RAD51B: variants seen among roughly 807,000 people sequenced by gnomAD.
RAD51B encodes the protein RAD51 paralog B, also known as DNA repair protein RAD51 homolog 2.
Under a neutral mutation model 42.2 loss-of-function variants are expected in RAD51B, and 38 were observed. That is an observed-to-expected ratio of 0.90 (90% CI 0.70 to 1.18). RAD51B has a LOEUF of 1.18. RAD51B is among the 50% of genes most tolerant of loss of function. The pLI is 0.00. For synonymous variants in RAD51B, 154 were observed against 145.2 expected (o/e 1.06, Z -0.43); for missense variants, 373 against 400.7 (o/e 0.93, Z 0.59).
intron 10 of RAD51B, among the ~76,000 whole-genome samples, chr14:68,606,693 G>A (rs1317158571): frequency 1.3e-5 from 2 of 152,158 alleles, no homozygotes; most frequent in Non-Finnish European, 2.9e-5. Flanking sequence ...CCTTTGGAAG[G>A]AATCGCATCT....
At chr14:68,095,971 C>CAAAAAAAAAAAAAA (rs56862052) in intron 7 of RAD51B, among the ~76,000 whole-genome samples, 1 of 62,620 alleles carries the variant, frequency 1.6e-5, no homozygotes, top group African/African-American at 5.1e-5. Context: ...GACTCCGTCT[C>CAAAAAAAAAAAAAA]AAAAAAAAAA....
At position 68,260,298 on chromosome 14, in the gene RAD51B, C is replaced by T. The variant is rs551234480; in HGVS notation, c.757-31586C>T. On this transcript the variant is annotated intron_variant, in intron 7 of 10. Coordinates refer to ENST00000471583, the MANE Select transcript of RAD51B (RefSeq NM_133510.4). Reference sequence around the variant, plus strand: ...AAGAGGGCCAGTGTGGCTGAGAGACCGTGTGTGTGTGTGTGTGTGTGGAGA... The same window carrying T: ...AAGAGGGCCAGTGTGGCTGAGAGACTGTGTGTGTGTGTGTGTGTGTGGAGA... Among the ~76,000 whole-genome samples the T allele has an allele frequency of 1.2e-3, 116 of 96,656 alleles. 2 individuals carry two copies. Among genetic ancestry groups the T allele is most frequent in the Non-Finnish European group, 1.6e-3 (83 of 50,312 alleles). The allele number at this position is 96,656 out of a possible 152,430, so 63.4% of individuals were successfully genotyped here. A position where few individuals can be genotyped will look rare whatever the true frequency, so the allele number is the denominator to read the frequency against.
intron 8 of RAD51B, among the ~76,000 whole-genome samples, chr14:68,293,259 G>A (rs2081549472): frequency 6.6e-6 from 1 of 151,796 alleles, no homozygotes; most frequent in Non-Finnish European, 1.5e-5. Flanking sequence ...TTTTGTTTTT[G>A]TTTTTGTTTT....
intron 8 of RAD51B, among the ~76,000 whole-genome samples, chr14:68,360,428 C>G (rs2082999533): frequency 6.6e-6 from 1 of 152,242 alleles, no homozygotes; most frequent in African/African-American, 2.4e-5. Flanking sequence ...TCCATGACAT[C>G]AGGGCCCAAC....
Position 68,177,904 on chromosome 14 carries a change from A to G in RAD51B, c.757-113980A>G, listed in dbSNP as rs138431238. Among the ~76,000 whole-genome samples the G allele has an allele frequency of 3.5e-3, 540 of 152,260 alleles. 5 individuals are homozygous for G. The highest frequency in any genetic ancestry group is 0.012 in the African/African-American group (511 of 41,548). Reference sequence around the variant, plus strand: ...TGCCTGAAGACATTTTCCTACTCAGATATCTTTAACAGCTCAATGCACATG... The same window carrying G: ...TGCCTGAAGACATTTTCCTACTCAGGTATCTTTAACAGCTCAATGCACATG... On this transcript the variant is annotated intron_variant, in intron 7 of 10. Transcript: ENST00000471583.
chr14:68,529,534 G>A (rs1887143570), intron 10 of RAD51B, among the ~76,000 whole-genome samples: 1 of 152,188 alleles, frequency 6.6e-6, no homozygotes, highest in Non-Finnish European at 1.5e-5. Flanking sequence ...GTCTATGGAG[G>A]CAGGAGAAAT....
chr14:68,054,287 C>T (rs980852714), intron 7 of RAD51B, among the ~76,000 whole-genome samples: 5 of 152,132 alleles, frequency 3.3e-5, no homozygotes, highest in African/African-American at 1.2e-4. Context: ...TCTTTGTCCC[C>T]TGCAACTTGA....
At chr14:68,480,858 G>A (rs1224912231), downstream of RAD51B, among the ~76,000 whole-genome samples, 1 of 152,166 alleles carries the variant, frequency 6.6e-6, no homozygotes, top group East Asian at 1.9e-4. Context: ...CAACTTCAGG[G>A]GAGGGAACTC....
At chr14:68,196,420 A>C (rs1369158490) in intron 7 of RAD51B, among the ~76,000 whole-genome samples, 1 of 152,038 alleles carries the variant, frequency 6.6e-6, no homozygotes, top group Admixed American at 6.6e-5. Context: ...TGGCCTACAA[A>C]GTCCTGCATG....
intron 7 of RAD51B, among the ~76,000 whole-genome samples, chr14:67,957,167 A>G (rs1039856066): frequency 2.6e-5 from 4 of 152,260 alleles, no homozygotes; most frequent in Admixed American, 2.6e-4. Context: ...CACAAGGAAA[A>G]GTACAGAAGC....
At chr14:67,935,518 T>C (rs2044907632) in intron 7 of RAD51B, among the ~76,000 whole-genome samples, 1 of 152,122 alleles carries the variant, frequency 6.6e-6, no homozygotes, top group African/African-American at 2.4e-5. Flanking sequence ...GCACATACCA[T>C]CAGGCCATGC....
intron 7 of RAD51B, among the ~76,000 whole-genome samples, chr14:67,936,024 T>C (rs916447140): frequency 6.6e-6 from 1 of 151,990 alleles, no homozygotes; most frequent in African/African-American, 2.4e-5. Flanking sequence ...TTTAGAAAGG[T>C]CTATCTTATA....
At chr14:67,987,032 C>T (rs1459950713) in intron 7 of RAD51B, among the ~76,000 whole-genome samples, 1 of 151,824 alleles carries the variant, frequency 6.6e-6, no homozygotes, top group South Asian at 2.1e-4. Flanking sequence ...ACGCCTGGCC[C>T]CCTTCAGTCT....
At chr14:68,281,068 A>G (rs1403278841) in intron 7 of RAD51B, among the ~76,000 whole-genome samples, 4 of 146,152 alleles carry the variant, frequency 2.7e-5, no homozygotes, top group Admixed American at 1.4e-4. Context: ...AAAAAAAATG[A>G]AAAAAAAAAT....
chr14:68,146,093 T>C (rs1441775807), intron 7 of RAD51B, among the ~76,000 whole-genome samples: 3 of 152,044 alleles, frequency 2.0e-5, no homozygotes, highest in Admixed American at 1.3e-4. Context: ...ACTAGTAGTG[T>C]GGGGAGGTGG....
intron 7 of RAD51B, among the ~76,000 whole-genome samples, chr14:68,240,281 G>A (rs933849543): frequency 6.6e-6 from 1 of 152,122 alleles, no homozygotes; most frequent in Admixed American, 6.5e-5. Context: ...TCCAGGAGCT[G>A]GAAACCTTTA....
intron 3 of RAD51B, among the ~76,000 whole-genome samples, chr14:67,832,010 C>T (rs1045159922): frequency 2.0e-5 from 3 of 151,974 alleles, no homozygotes; most frequent in South Asian, 2.1e-4. Flanking sequence ...AAAATGTCTA[C>T]GTAAGGATGC....
chr14:67,881,207 C>T (rs1224854371), intron 5 of RAD51B, among the ~76,000 whole-genome samples: 5 of 152,164 alleles, frequency 3.3e-5, no homozygotes, highest in Non-Finnish European at 7.3e-5. Flanking sequence ...ACTGAAATGT[C>T]GTTATGCAGC....
chr14:67,966,740 A>T (rs541546949), intron 7 of RAD51B, among the ~76,000 whole-genome samples: 1 of 152,346 alleles, frequency 6.6e-6, no homozygotes, highest in South Asian at 2.1e-4. Context: ...AATCAGTATC[A>T]TACTTACTCT....
Sources: gnomAD v4.1 joint callset for allele counts (sites outside exome capture counted in the v4.1 genomes callset) on GRCh38, gnomAD v4.1.1 for gene constraint, MANE v1.5 for transcripts, NCBI Gene and HGNC (gene_info 2026-07-23, HGNC 2026-07-21) for gene names.